The following USP35 variants were observed in gnomAD, a reference collection of about 807,000 sequenced individuals.
The protein encoded by USP35 is ubiquitin carboxyl-terminal hydrolase 35.
A neutral mutation model predicts 83.8 loss-of-function variants in USP35; 69 were observed. The ratio of observed to expected loss-of-function variants is 0.82; its 90% CI spans 0.68 to 1.01. The LOEUF is 1.01. Among genes scored for constraint, USP35 ranks in the 50% least tolerant of loss-of-function variants. The probability of loss-of-function intolerance (pLI) is 0.00; values close to 1 mark genes in which losing one functional copy is unlikely to be tolerated. For missense variants in USP35, 1,503 were observed against 1,362.5 expected, an observed-to-expected ratio of 1.10 and a Z score of -1.62; for synonymous variants, 714 against 589.5, an observed-to-expected ratio of 1.21 and a Z score of -3.06.
intron 3 of USP35, 88 bp from the exon 4 acceptor site, chr11:78,199,507 C>G (rs1226083133): frequency 6.3e-7 from 1 of 1,578,892 alleles, no homozygotes; most frequent in Non-Finnish European, 8.6e-7. Flanking sequence ...TGTGGGAACC[C>G]AGGACATTAC....
chr11:78,211,719 G>A (rs760914082), intron 10 of USP35, among the ~76,000 whole-genome samples: 6 of 152,078 alleles, frequency 3.9e-5, no homozygotes, highest in East Asian at 1.9e-4. Context: ...TTTTTCTTTC[G>A]TACGTTTGTT....
the USP35 span, among the ~76,000 whole-genome samples, chr11:78,228,542 A>T: frequency 1.3e-5 from 2 of 152,108 alleles, no homozygotes; most frequent in Non-Finnish European, 2.9e-5. Context: ...GCTCCTGAGG[A>T]GTTTGTTATT....
chr11:78,219,559 T>C (rs944988084), downstream of USP35: 1 of 718,802 alleles, frequency 1.4e-6, no homozygotes, highest in African/African-American at 1.8e-5. Context: ...CTCAGGAGCC[T>C]GGCTTCTCTT....
At chr11:78,223,649 C>T in the USP35 span, 1 of 1,607,546 alleles carries the variant, frequency 6.2e-7, no homozygotes, top group Non-Finnish European at 8.5e-7. Flanking sequence ...TTGGTGCTGT[C>T]CGATCGGCCC....
the USP35 span, among the ~76,000 whole-genome samples, chr11:78,233,382 C>T: frequency 6.6e-6 from 1 of 151,836 alleles, no homozygotes; most frequent in East Asian, 1.9e-4. Flanking sequence ...AAAGCAGAAT[C>T]TCACTGAGAT....
chr11:78,224,455 C>A, the USP35 span, among the ~76,000 whole-genome samples: 2 of 152,226 alleles, frequency 1.3e-5, no homozygotes, highest in African/African-American at 4.8e-5. Flanking sequence ...CTGGGGCTCA[C>A]TCCAGGCACC....
Position 78,210,539 on chromosome 11 carries a change from A to G in USP35, c.2684A>G (p.Asp895Gly). The part of the protein sequence containing the change: ...EPENQWYLFN[D>G]TRVSFSSFES... ...GAGAACCAGTGGTACCTGTTCAATGACACTCGGGTGTCCTTCTCTTCCTTC... is the reference window on the plus strand; with the variant it reads ...GAGAACCAGTGGTACCTGTTCAATGGCACTCGGGTGTCCTTCTCTTCCTTC... Residue 895 changes from aspartate to glycine, a missense_variant, in exon 10 of 11, where the codon GAC becomes GGC. By Grantham distance (94) the Asp-to-Gly change is moderately conservative (BLOSUM62 -1). Transcript: ENST00000529308. 2 of 1,613,234 alleles carry G rather than the reference A, an allele frequency of 1.2e-6. No homozygotes were observed. The highest frequency in any genetic ancestry group is 1.1e-5 in the South Asian group (1 of 91,060).
chr11:78,236,842 C>A, the USP35 span, among the ~76,000 whole-genome samples: 1 of 152,048 alleles, frequency 6.6e-6, no homozygotes, highest in Non-Finnish European at 1.5e-5. Flanking sequence ...TGATGTCTTA[C>A]CCCTAATGTA....
chr11:78,212,801 T>TACAG (rs1863840202), intron 10 of USP35, among the ~76,000 whole-genome samples: 1 of 152,168 alleles, frequency 6.6e-6, no homozygotes, highest in Admixed American at 6.5e-5. Context: ...TGGGATGAGA[T>TACAG]AATGACATGA....
intron 3 of USP35, chr11:78,198,938 C>G (rs985298107): frequency 6.5e-6 from 1 of 154,794 alleles, no homozygotes; most frequent in African/African-American, 2.4e-5. Flanking sequence ...ATTGTTATGA[C>G]TTTGCTGTCA....
chr11:78,216,117 T>C (rs1047725149), downstream of USP35: 5 of 152,764 alleles, frequency 3.3e-5, no homozygotes, highest in Admixed American at 3.3e-4. Context: ...GCACCAGCTG[T>C]GGATGGGACC....
downstream of USP35, chr11:78,217,199 T>C (rs1458320899): frequency 6.6e-6 from 1 of 152,410 alleles, no homozygotes; most frequent in African/African-American, 2.4e-5. Flanking sequence ...CCATCAGCAT[T>C]TGAAGTCTCT....
At chr11:78,222,938 T>C in the USP35 span, among the ~76,000 whole-genome samples, 2 of 152,194 alleles carry the variant, frequency 1.3e-5, no homozygotes, top group Non-Finnish European at 2.9e-5. Flanking sequence ...TACTCCCTGC[T>C]GCTCCTGGCC....
At chr11:78,231,314 T>C in the USP35 span, among the ~76,000 whole-genome samples, 1 of 145,968 alleles carries the variant, frequency 6.9e-6, no homozygotes, top group Admixed American at 6.7e-5. Context: ...GTCTCTCCCT[T>C]GGTGCGCGCG....
chr11:78,203,420 C>T (rs1001083022), intron 6 of USP35, among the ~76,000 whole-genome samples: 1 of 152,144 alleles, frequency 6.6e-6, no homozygotes, highest in Admixed American at 6.5e-5. Context: ...TCGGCTAGAT[C>T]TGGGCTTCTC....
chr11:78,200,297 G>A (rs1863309072), intron 5 of USP35, 63 bp downstream of exon 5: 1 of 1,537,204 alleles, frequency 6.5e-7, no homozygotes, highest in African/African-American at 1.4e-5. Context: ...TAAGGGCCCT[G>A]CCTACTGCCC....
At chr11:78,204,943 T>C (rs1295108098) in intron 6 of USP35, among the ~76,000 whole-genome samples, 1 of 152,216 alleles carries the variant, frequency 6.6e-6, no homozygotes, top group Non-Finnish European at 1.5e-5. Flanking sequence ...CTGAGCTGTT[T>C]TGAAGCTCTG....
chr11:78,212,984 A>G (rs1258648097), intron 10 of USP35, among the ~76,000 whole-genome samples: 2 of 152,218 alleles, frequency 1.3e-5, no homozygotes, highest in East Asian at 1.9e-4. Context: ...TGGCACTGGC[A>G]TACTGAGCAG....
At chr11:78,219,912 G>T (rs1864335552), downstream of USP35, among the ~76,000 whole-genome samples, 1 of 152,168 alleles carries the variant, frequency 6.6e-6, no homozygotes, top group African/African-American at 2.4e-5. Context: ...GCTTTCCCAG[G>T]CCTGGAAGTC....
Sources: allele counts gnomAD v4.1 joint callset (sites outside exome capture counted in the v4.1 genomes callset), GRCh38; gene constraint gnomAD v4.1.1; transcripts MANE v1.5; gene names NCBI Gene and HGNC (gene_info 2026-07-23, HGNC 2026-07-21).